The following DEDD2 variants were observed in gnomAD, a reference collection of about 807,000 sequenced individuals.
DEDD2 encodes the protein DNA-binding death effector domain-containing protein 2.
Under a neutral mutation model 28.9 loss-of-function variants are expected in DEDD2, and 18 were observed. The ratio of observed to expected loss-of-function variants is 0.62; its 90% CI spans 0.43 to 0.92. DEDD2 has a LOEUF of 0.92. Among genes scored for constraint, DEDD2 ranks in the 40% least tolerant of loss-of-function variants. The pLI is 0.00. For missense variants in DEDD2, 411 were observed against 463.3 expected (o/e 0.89, Z 1.04); for synonymous variants, 211 against 206.1 (o/e 1.02, Z -0.20).
In DEDD2 at chr19:42,199,205, T is replaced by G; in HGVS notation, c.*233A>C. 1.6e-6 allele frequency: 1 copy of G among 625,970 alleles called. No homozygotes were observed. Among genetic ancestry groups the G allele is most frequent in the Non-Finnish European group, 2.7e-6 (1 of 376,606 alleles). 38.8% of individuals were successfully genotyped at this position (625,970 alleles called of 1,614,324 possible). A position where few individuals can be genotyped will look rare whatever the true frequency, so the allele number is the denominator to read the frequency against. Reference sequence around the variant, plus strand: ...AGGCCCAGCCCCCGCCTCCGGAGGCTAAGGGGGCACACCTGGGGGTAGGAG... The same window carrying G: ...AGGCCCAGCCCCCGCCTCCGGAGGCGAAGGGGGCACACCTGGGGGTAGGAG... On this transcript the variant is annotated 3_prime_UTR_variant, in exon 5 of 5. Coordinates refer to ENST00000596251, the MANE Select transcript of DEDD2 (RefSeq NM_133328.4). The surrounding 1 kb of genome is among the most constrained non-coding windows in gnomAD (Gnocchi z 7.4).
chr19:42,199,812 G>A lies in DEDD2; in HGVS notation c.607C>T (p.Arg203Ter), dbSNP rs559002560. The change falls in exon 5 of 5, where the codon CGA becomes TGA. Residue 203 changes from arginine (R) to a stop codon, truncating the protein, a stop_gained. Transcript: ENST00000596251. LOFTEE classifies it high-confidence loss of function. The surrounding 1 kb of genome is among the most constrained non-coding windows in gnomAD (Gnocchi z 7.4). ...KVTCDIRLRV[R>*]AEYCEHGPAL... ...GGCCCATGCTCGCAGTACTCTGCTC[G>A]AACCCGGAGCCGGATGTCTGCAGGG... The A allele has an allele frequency of 1.3e-6, 2 of 1,595,942 alleles. No individual in the cohort carries two copies. The highest frequency in any genetic ancestry group is 8.5e-7 in the Non-Finnish European group (1 of 1,170,996).
chr19:42,209,577 T>A, intron 4 of DEDD2, 123 bp downstream of exon 4: 1 of 1,362,448 alleles, frequency 7.3e-7, no homozygotes. Flanking sequence ...TCCACTGTGG[T>A]GAACGAGAGC....
intron 3 of DEDD2, among the ~76,000 whole-genome samples, chr19:42,212,456 C>T (rs1172289927): frequency 2.0e-5 from 3 of 151,632 alleles, no homozygotes; most frequent in African/African-American, 7.3e-5. Context: ...CATGCCACCA[C>T]ACCCGGCTCG....
At chr19:42,215,280 C>G in intron 2 of DEDD2, 28 bp from the exon 3 acceptor site, 1 of 1,611,814 alleles carries the variant, frequency 6.2e-7, no homozygotes, top group Non-Finnish European at 8.5e-7. Flanking sequence ...CAGGAAGAAG[C>G]ATTCAGCCTC....
Position 42,215,179 on chromosome 19 carries a change from C to A in DEDD2, c.402G>T (p.Arg134=), listed in dbSNP as rs1599786352. Residue 134 remains arginine, a synonymous_variant, in exon 3 of 5, where the codon CGG becomes CGT. Coordinates refer to ENST00000596251, the MANE Select transcript of DEDD2 (RefSeq NM_133328.4). ...GAGAATTTGCAGAACTGCTTGACTGCCGACGGCGACGGCAGCTACCCTCTG... is the reference window on the plus strand; with the variant it reads ...GAGAATTTGCAGAACTGCTTGACTGACGACGGCGACGGCAGCTACCCTCTG... ...KRTEGSCRRR[R]QSSSSANSQQ... 6.2e-7 allele frequency: 1 copy of A among 1,614,124 alleles called. No individual in the cohort carries two copies. Among genetic ancestry groups the A allele is most frequent in the Non-Finnish European group, 8.5e-7 (1 of 1,180,022 alleles).
rs530261812 is a variant in DEDD2, at chr19:42,201,995, G to GT, written c.590-2167dup. 1.1e-3 allele frequency: 426 copies of GT among 398,784 alleles called. 9 individuals are homozygous for GT. In the East Asian group the frequency reaches 0.012, roughly 11 times the overall value. The allele number at this position is 398,784 out of a possible 1,614,324, so 24.7% of individuals were successfully genotyped here. A position where few individuals can be genotyped will look rare whatever the true frequency, so the allele number is the denominator to read the frequency against. On this transcript the variant is annotated intron_variant, in intron 4 of 4. Coordinates refer to ENST00000596251, the MANE Select transcript of DEDD2 (RefSeq NM_133328.4). ...GTGGCGGAGTCCAACAGACCTTGAG[G>GT]TGAGTCCCAGCTCTGCCACTCTCTA...
rs373835654 is a variant in DEDD2 at position 42,206,152 on chromosome 19, CT to C, written c.589+3547del. 2.5e-3 allele frequency among the ~76,000 whole-genome samples: 384 copies of C among 151,652 alleles called. 2 individuals carry two copies. Among genetic ancestry groups the C allele is most frequent in the South Asian group, 0.014 (66 of 4,790 alleles). On this transcript the variant is annotated intron_variant, in intron 4 of 4. Transcript: ENST00000596251. ...TCCTGTCATTCAAATCCTCCAACTG[CT>C]TTCCATAATAAAAAAAAAAAAAATG...
At chr19:42,210,080 G>A (rs1034075991) in intron 3 of DEDD2, among the ~76,000 whole-genome samples, 4 of 152,078 alleles carry the variant, frequency 2.6e-5, no homozygotes, top group African/African-American at 9.7e-5. Context: ...TGTGACCCTA[G>A]AGAAATCCCT....
At chr19:42,212,818 C>T (rs554608827) in intron 3 of DEDD2, among the ~76,000 whole-genome samples, 1 of 152,142 alleles carries the variant, frequency 6.6e-6, no homozygotes, top group Admixed American at 6.6e-5. Context: ...AGGCTGATCT[C>T]GAACTCCTGG....
At chr19:42,217,525 C>A in intron 1 of DEDD2, 107 bp downstream of exon 1, 1 of 163,288 alleles carries the variant, frequency 6.1e-6, no homozygotes, top group Non-Finnish European at 1.3e-5. Flanking sequence ...TGGTACCGTC[C>A]GAACCCGACC....
In DEDD2 at chr19:42,216,742, A is replaced by G; in HGVS notation, c.266T>C (p.Leu89Pro). The G allele has an allele frequency of 6.3e-7, 1 of 1,593,424 alleles. No individual in the cohort carries two copies. Among genetic ancestry groups the G allele is most frequent in the Non-Finnish European group, 8.5e-7 (1 of 1,172,112 alleles). ...GTCGTGGCGGGCCAGCACGCGCAGGAGTTGCCCCAGCAGCCGCAGGTTGCT... is the reference window on the plus strand; with the variant it reads ...GTCGTGGCGGGCCAGCACGCGCAGGGGTTGCCCCAGCAGCCGCAGGTTGCT... Reference protein sequence around the residue: ...DESNLRLLGQLLRVLARHDLL... With the variant: ...DESNLRLLGQPLRVLARHDLL... Residue 89 changes from leucine to proline, a missense_variant, in exon 2 of 5, where the codon CTC (leucine) becomes CCC (proline). Coordinates refer to ENST00000596251, the MANE Select transcript of DEDD2 (RefSeq NM_133328.4).
At chr19:42,200,956 C>G (rs1328779948) in intron 4 of DEDD2, among the ~76,000 whole-genome samples, 1 of 152,174 alleles carries the variant, frequency 6.6e-6, no homozygotes, top group Non-Finnish European at 1.5e-5. Context: ...AGTGACAGTA[C>G]CCCCTCTCTC....
upstream of DEDD2, among the ~76,000 whole-genome samples, chr19:42,219,416 T>C (rs2036089764): frequency 6.7e-6 from 1 of 150,366 alleles, no homozygotes; most frequent in Non-Finnish European, 1.5e-5. Context: ...GCCTGACCAA[T>C]ATGGCAAAAC....
intron 4 of DEDD2, among the ~76,000 whole-genome samples, chr19:42,204,280 T>C (rs1031940192): frequency 2.6e-5 from 4 of 152,198 alleles, no homozygotes; most frequent in Admixed American, 2.0e-4. Flanking sequence ...TTTGGATGTA[T>C]GTTCTCTCCA....
chr19:42,205,205 G>A (rs1364769023), intron 4 of DEDD2, among the ~76,000 whole-genome samples: 1 of 152,200 alleles, frequency 6.6e-6, no homozygotes, highest in Non-Finnish European at 1.5e-5. Context: ...ACAACGCAAG[G>A]CGGAGAAAGA....
At chr19:42,200,341 G>C (rs776645138) in intron 4 of DEDD2, among the ~76,000 whole-genome samples, 1 of 152,228 alleles carries the variant, frequency 6.6e-6, no homozygotes, top group African/African-American at 2.4e-5. Context: ...TGTCTGTTTT[G>C]TTCACTTGTG....
At chr19:42,215,463 G>A (rs886182147) in intron 2 of DEDD2, among the ~76,000 whole-genome samples, 4 of 152,138 alleles carry the variant, frequency 2.6e-5, no homozygotes, top group South Asian at 4.1e-4. Context: ...CCACGTCTAC[G>A]GCAGCTCAAA....
intron 4 of DEDD2, among the ~76,000 whole-genome samples, chr19:42,202,844 G>A (rs1158768029): frequency 1.3e-5 from 2 of 152,200 alleles, no homozygotes; most frequent in Non-Finnish European, 2.9e-5. Context: ...GAAAAGACAG[G>A]GAGGTGCCAC....
chr19:42,218,070 G>T (rs1185974699), upstream of DEDD2, among the ~76,000 whole-genome samples: 1 of 152,088 alleles, frequency 6.6e-6, no homozygotes, highest in East Asian at 1.9e-4. Flanking sequence ...GTTGCCCGTG[G>T]CAAAGTAACA....
Sources: gnomAD v4.1 joint callset for allele counts (sites outside exome capture counted in the v4.1 genomes callset) on GRCh38, gnomAD v4.1.1 for gene constraint, Gnocchi (gnomAD v3.1) non-coding constraint, MANE v1.5 for transcripts, NCBI Gene and HGNC (gene_info 2026-07-23, HGNC 2026-07-21) for gene names.